Variants in GBP5 observed in about 807,000 individuals in gnomAD.
GBP5 encodes guanylate binding protein 5, also known as guanylate-binding protein 5.
GBP5 carries 48 observed loss-of-function variants against 58.2 expected under a neutral mutation model. The ratio of observed to expected loss-of-function variants is 0.83; its 90% CI spans 0.65 to 1.05. The LOEUF is 1.05. Among genes scored for constraint, GBP5 ranks in the 50% least tolerant of loss-of-function variants. The pLI, the probability that GBP5 is intolerant of heterozygous loss-of-function variation, is 0.00. For missense variants in GBP5, 714 were observed against 686.8 expected (o/e 1.04, Z -0.44); for synonymous variants, 248 against 251.8 (o/e 0.98, Z 0.14).
chr1:89,270,899 G>A (rs950033848), intron 1 of GBP5, 37 bp from the exon 2 acceptor site: 1 of 152,144 alleles, frequency 6.6e-6, no homozygotes, highest in African/African-American at 2.4e-5. Context: ...AAATCTATAA[G>A]CAGATATTGA....
chr1:89,266,557 CA>C lies in GBP5; in HGVS notation c.656del (p.Leu219CysfsTer38), dbSNP rs1353801157. 1.2e-6 allele frequency: 2 copies of C among 1,612,826 alleles called. No homozygotes were observed. Among genetic ancestry groups the C allele is most frequent in the East Asian group, 2.2e-5 (1 of 44,846 alleles). On this transcript the variant is annotated frameshift_variant, in exon 7 of 12. Coordinates refer to ENST00000370459, the MANE Select transcript of GBP5 (RefSeq NM_052942.5). LOFTEE classifies it high-confidence loss of function. ...AGAACTTCTGTATACACAGACGGGG[CA>C]AATTGAAATTTTGAACTCTTTGATC... ...GSDQRVQNFN[L>X]PRLCIQKFFP...
chr1:89,264,292 G>A (rs912914463), intron 8 of GBP5, among the ~76,000 whole-genome samples: 2 of 152,150 alleles, frequency 1.3e-5, no homozygotes, highest in East Asian at 1.9e-4. Context: ...GATAAAGTTC[G>A]AAGCAGAATA....
At chr1:89,265,500 G>A (rs1249291385) in intron 7 of GBP5, among the ~76,000 whole-genome samples, 1 of 151,274 alleles carries the variant, frequency 6.6e-6, no homozygotes, top group Non-Finnish European at 1.5e-5. Flanking sequence ...AGGCTGAGGC[G>A]GGCGGATCAC....
At chr1:89,265,588 T>C (rs1184042025) in intron 7 of GBP5, among the ~76,000 whole-genome samples, 2 of 151,138 alleles carry the variant, frequency 1.3e-5, no homozygotes, top group East Asian at 1.9e-4. Context: ...ATTAGCCAGG[T>C]GTGGTGGCGG....
intron 2 of GBP5, chr1:89,270,118 T>C (rs2100599851): frequency 6.6e-6 from 1 of 152,350 alleles, no homozygotes; most frequent in South Asian, 2.1e-4. Flanking sequence ...TGAAATTTTT[T>C]ACATAGTTAC....
intron 4 of GBP5, 61 bp downstream of exon 4, chr1:89,268,668 A>G: frequency 6.4e-7 from 1 of 1,572,572 alleles, no homozygotes; most frequent in Non-Finnish European, 8.7e-7. Flanking sequence ...ATAAACCTAA[A>G]ATCTCCCTGT....
chr1:89,267,076 G>GAGTC lies in GBP5; in HGVS notation c.502_505dup (p.Ser169Ter), dbSNP rs540327216. 3.0e-3 allele frequency: 4,913 copies of GAGTC among 1,613,460 alleles called. 9 individuals carry two copies. Among genetic ancestry groups the GAGTC allele is most frequent in the Non-Finnish European group, 3.7e-3 (4,340 of 1,179,854 alleles). On this transcript the variant is annotated stop_gained and frameshift_variant, in exon 6 of 12. Transcript: ENST00000370459. LOFTEE classifies it high-confidence loss of function. ...CACTAAGTCTGGGAAGAAGCTCGCA[G>GAGTC]AGTCAGCAGGATCTTCAACCCTGTC...
chr1:89,265,727 C>CAAAAAAAAAAAAAAAAAAAAAAAAA, intron 7 of GBP5, among the ~76,000 whole-genome samples: 1 of 80,510 alleles, frequency 1.2e-5, no homozygotes, highest in Non-Finnish European at 2.5e-5. Context: ...GACTCCACCT[C>CAAAAAAAAAAAAAAAAAAAAAAAAA]AAAAAAAAAA....
chr1:89,265,466 C>T (rs1650170818), intron 7 of GBP5, among the ~76,000 whole-genome samples: 1 of 151,470 alleles, frequency 6.6e-6, no homozygotes, highest in South Asian at 2.1e-4. Context: ...CGCTACCCTC[C>T]TCTAAAAAAG....
intron 3 of GBP5, 82 bp from the exon 4 acceptor site, chr1:89,268,938 G>C: frequency 1.4e-6 from 2 of 1,444,694 alleles, no homozygotes; most frequent in Non-Finnish European, 1.9e-6. Flanking sequence ...TAGAGTTTAA[G>C]GAAAGCAAGA....
chr1:89,268,312 G>C (rs1363837983), intron 4 of GBP5, among the ~76,000 whole-genome samples: 1 of 152,120 alleles, frequency 6.6e-6, no homozygotes, highest in Non-Finnish European at 1.5e-5. Flanking sequence ...AGTTGAATAA[G>C]AAAGACCAAA....
Position 89,266,561 on chromosome 1 carries a change from T to C in GBP5, c.653A>G (p.Asn218Ser), listed in dbSNP as rs777811088. The C allele has an allele frequency of 1.2e-5, 20 of 1,612,724 alleles. No homozygotes were observed. Among genetic ancestry groups the C allele is most frequent in the South Asian group, 9.9e-5 (9 of 91,024 alleles). ...CTTCTGTATACACAGACGGGGCAAATTGAAATTTTGAACTCTTTGATCACT... is the reference window on the plus strand; with the variant it reads ...CTTCTGTATACACAGACGGGGCAAACTGAAATTTTGAACTCTTTGATCACT... The part of the protein sequence containing the change: ...QGSDQRVQNF[N>S]LPRLCIQKFF... Residue 218 changes from asparagine to serine, a missense_variant, in exon 7 of 12, where the codon AAT (asparagine) becomes AGT (serine). Transcript: ENST00000370459.
intron 9 of GBP5, 69 bp from the exon 10 acceptor site, chr1:89,262,854 C>G (rs1458314339): frequency 1.1e-6 from 1 of 946,502 alleles, no homozygotes; most frequent in African/African-American, 1.7e-5. Flanking sequence ...ACATCTTTGT[C>G]TTGTTCCTTC....
Position 89,266,459 on chromosome 1 carries a change from G to T in GBP5, c.755C>A (p.Pro252His), listed in dbSNP as rs1427580055. 1 of 1,614,164 alleles carries T rather than the reference G, an allele frequency of 6.2e-7. No homozygotes were observed. Among genetic ancestry groups the T allele is most frequent in the Non-Finnish European group, 8.5e-7 (1 of 1,180,008 alleles). Residue 252 changes from proline (P) to histidine (H), a missense_variant, in exon 7 of 12, where the codon CCT (proline) becomes CAT (histidine). By Grantham distance (77) the Pro-to-His change is moderately conservative. Transcript: ENST00000370459. ...AAATTCAGGCTCTAGCTCATCATCA[G>T]GCAGTGTTTCAAGTTGGGCAAGCTT... ...QKKLAQLETL[P>H]DDELEPEFVQ...
At chr1:89,268,488 T>C (rs1650313146) in intron 4 of GBP5, among the ~76,000 whole-genome samples, 1 of 152,162 alleles carries the variant, frequency 6.6e-6, no homozygotes, top group Non-Finnish European at 1.5e-5. Flanking sequence ...TGCATCATGT[T>C]TATGCATTTG....
Position 89,262,407 on chromosome 1 carries a change from G to A in GBP5, c.1466-6C>T, listed in dbSNP as rs571460473. On this transcript the variant is annotated splice_region_variant and splice_polypyrimidine_tract_variant and intron_variant, in intron 10 of 11. Coordinates refer to ENST00000370459, the MANE Select transcript of GBP5 (RefSeq NM_052942.5). ...TTCTGCTTTCACTTGTGCCTCTGAG[G>A]AGAAAAAGATAATCTTCTCTAGGAT... The A allele has an allele frequency of 1.2e-6, 2 of 1,611,652 alleles. No individual in the cohort carries two copies. Among genetic ancestry groups the A allele is most frequent in the South Asian group, 1.1e-5 (1 of 90,946 alleles).
Position 89,268,769 on chromosome 1 carries a change from A to C in GBP5, c.278T>G (p.Leu93Ter). The C allele has an allele frequency of 6.2e-7, 1 of 1,614,032 alleles. No individual in the cohort carries two copies. Among genetic ancestry groups the C allele is most frequent in the Non-Finnish European group, 8.5e-7 (1 of 1,179,966 alleles). ...CAGGCCCTCGGTGTCAAGCAGAACT[A>C]ATGTGTGATTTGGCCAGTTGGGATG... ...VPHPNWPNHT[L>*]VLLDTEGLGD... The change falls in exon 4 of 12, where the codon TTA becomes TGA. Residue 93 changes from leucine (L) to a stop codon, truncating the protein, a stop_gained. Coordinates refer to ENST00000370459, the MANE Select transcript of GBP5 (RefSeq NM_052942.5). LOFTEE classifies it high-confidence loss of function.
chr1:89,272,026 A>G (rs528157206), intron 1 of GBP5: 1 of 152,302 alleles, frequency 6.6e-6, no homozygotes, highest in East Asian at 1.9e-4. Flanking sequence ...TCTTGTCCTT[A>G]ATGTTTGCAA....
At chr1:89,267,178 G>T in intron 5 of GBP5, 25 bp from the exon 6 acceptor site, 2 of 1,550,424 alleles carry the variant, frequency 1.3e-6, no homozygotes, top group Non-Finnish European at 1.7e-6. Context: ...AAGAAAACTG[G>T]CAGAAATAGG....
Sources: gnomAD v4.1 joint callset for allele counts (sites outside exome capture counted in the v4.1 genomes callset) on GRCh38, gnomAD v4.1.1 for gene constraint, MANE v1.5 for transcripts, NCBI Gene and HGNC (gene_info 2026-07-23, HGNC 2026-07-21) for gene names.